Variants in PGBD5 observed in about 807,000 individuals in gnomAD.
PGBD5 encodes piggyBac transposable element derived 5.
In PGBD5, 14 loss-of-function variants were observed where a neutral mutation model predicts 47.9. The ratio of observed to expected loss-of-function variants is 0.29; its 90% CI spans 0.19 to 0.46. PGBD5 has a LOEUF of 0.46. Ranked by LOEUF, PGBD5 falls within the 20% of genes least tolerant of loss-of-function variation. The pLI, the probability that PGBD5 is intolerant of heterozygous loss-of-function variation, is 1.00. For missense variants in PGBD5, 635 were observed against 716.0 expected, an observed-to-expected ratio of 0.89 and a Z score of 1.29; for synonymous variants, 316 against 306.3, an observed-to-expected ratio of 1.03 and a Z score of -0.33.
At chr1:230,410,995 C>G (rs1657395059) in intron 1 of PGBD5, among the ~76,000 whole-genome samples, 1 of 151,826 alleles carries the variant, frequency 6.6e-6, no homozygotes, top group Admixed American at 6.6e-5. Context: ...GGAGAGAGGC[C>G]AGGTACAGTG....
chr1:230,392,219 C>T (rs533444038), intron 1 of PGBD5, among the ~76,000 whole-genome samples: 1 of 152,342 alleles, frequency 6.6e-6, no homozygotes, highest in Non-Finnish European at 1.5e-5. Context: ...ACCGGGGCTG[C>T]CCTGAGAGGC....
At position 230,404,760 on chromosome 1, in the gene PGBD5, C is replaced by T. The variant is rs114658123; in HGVS notation, c.331+20838G>A. Among the ~76,000 whole-genome samples the T allele has an allele frequency of 2.7e-3, 411 of 150,944 alleles. 2 individuals carry two copies. Among genetic ancestry groups the T allele is most frequent in the African/African-American group, 9.7e-3 (399 of 41,202 alleles). On this transcript the variant is annotated intron_variant, in intron 1 of 6. Coordinates refer to ENST00000391860, the MANE Select transcript of PGBD5 (RefSeq NM_001258311.2). ...CTAGCCTGACCAAAATGCAGAAATCCCGCCTCTACCAAAAAATACAAAATT... is the reference window on the plus strand; with the variant it reads ...CTAGCCTGACCAAAATGCAGAAATCTCGCCTCTACCAAAAAATACAAAATT...
In PGBD5 at chr1:230,315,577, T is replaced by C. The variant is rs1666922213; in HGVS notation, c.*7848A>G. On this transcript the variant is annotated 3_prime_UTR_variant, in exon 7 of 7. Transcript: ENST00000391860. ...CTGGACCCCTAAACTGGCCCATGTG[T>C]TTAGTTGTAGAATGGGGGCCAGGAC... The C allele has an allele frequency of 1.3e-5, 2 of 151,696 alleles. No individual in the cohort carries two copies. Among genetic ancestry groups the C allele is most frequent in the Non-Finnish European group, 2.9e-5 (2 of 67,950 alleles). The allele number at this position is 151,696 out of a possible 1,614,324, so 9.4% of individuals were successfully genotyped here.
intron 1 of PGBD5, among the ~76,000 whole-genome samples, chr1:230,361,760 C>A (rs555647014): frequency 1.3e-5 from 2 of 152,332 alleles, no homozygotes; most frequent in East Asian, 3.9e-4. Context: ...TCCCCAGGAG[C>A]TGACTGGGAG....
rs921995442 is a variant in PGBD5 at position 230,315,296 on chromosome 1, G to A, written c.*8129C>T. The A allele has an allele frequency of 1.3e-5, 2 of 152,228 alleles. No individual in the cohort carries two copies. Among genetic ancestry groups the A allele is most frequent in the African/African-American group, 4.8e-5 (2 of 41,432 alleles). 9.4% of individuals were successfully genotyped at this position (152,228 alleles called of 1,614,324 possible). ...CTCCTTTCTCAGGTGCCCTGTGCTA[G>A]TGTTGGGCAGCTCTAAGGTTGGAAA... On this transcript the variant is annotated 3_prime_UTR_variant, in exon 7 of 7. Coordinates refer to ENST00000391860, the MANE Select transcript of PGBD5 (RefSeq NM_001258311.2).
rs1291383357 is a variant in PGBD5, at chr1:230,325,209, GT to G, written c.1379+100del. On this transcript the variant is annotated intron_variant, in intron 6 of 6. Transcript: ENST00000391860. ...TACCTCCCAGGGTCTTCATCCTGCA[GT>G]TCTTACACTGGGGAAACTAGTGATC... The G allele has an allele frequency of 1.9e-5, 18 of 924,806 alleles. No individual in the cohort carries two copies. The East Asian group carries it at 4.2e-4, about 22-fold the overall frequency. The allele number at this position is 924,806 out of a possible 1,614,324, so 57.3% of individuals were successfully genotyped here.
intron 3 of PGBD5, among the ~76,000 whole-genome samples, chr1:230,344,098 A>C (rs1348465486): frequency 6.6e-6 from 1 of 152,186 alleles, no homozygotes; most frequent in East Asian, 1.9e-4. Flanking sequence ...ATCCTGGCTA[A>C]CACAGTGAAA....
chr1:230,394,754 A>T (rs1237939413), intron 1 of PGBD5, among the ~76,000 whole-genome samples: 4 of 54,648 alleles, frequency 7.3e-5, no homozygotes, highest in African/African-American at 2.9e-4. Flanking sequence ...CCTCCCCTCC[A>T]CTCACGCTCC....
intron 1 of PGBD5, among the ~76,000 whole-genome samples, chr1:230,419,562 G>A (rs536838243): frequency 1.8e-4 from 27 of 151,992 alleles, no homozygotes; most frequent in Non-Finnish European, 3.8e-4. Context: ...AAAATAAAAG[G>A]TGAAAAGTAA....
chr1:230,365,711 C>T (rs1571842545), intron 1 of PGBD5, among the ~76,000 whole-genome samples: 1 of 152,368 alleles, frequency 6.6e-6, no homozygotes, highest in East Asian at 1.9e-4. Flanking sequence ...GAGCACTACA[C>T]TGCCACACGC....
In PGBD5 at chr1:230,425,590, C is replaced by G; in HGVS notation, c.331+8G>C. 8.2e-7 allele frequency: 1 copy of G among 1,219,736 alleles called. No individual in the cohort carries two copies. Among genetic ancestry groups the G allele is most frequent in the Non-Finnish European group, 1.0e-6 (1 of 980,290 alleles). 75.6% of individuals were successfully genotyped at this position (1,219,736 alleles called of 1,614,324 possible). A position where few individuals can be genotyped will look rare whatever the true frequency, so the allele number is the denominator to read the frequency against. ...GCCCCCGACATCCACCCGCGGGCAGCCCCTTACCGCCGGTATCCTCGAAGC... is the reference window on the plus strand; with the variant it reads ...GCCCCCGACATCCACCCGCGGGCAGGCCCTTACCGCCGGTATCCTCGAAGC... On this transcript the variant is annotated splice_region_variant and intron_variant, in intron 1 of 6. Coordinates refer to ENST00000391860, the MANE Select transcript of PGBD5 (RefSeq NM_001258311.2). This position sits in a 1 kb window ranked among gnomAD's most constrained non-coding sequence, Gnocchi z 4.7.
intron 1 of PGBD5, among the ~76,000 whole-genome samples, chr1:230,371,876 C>T (rs774636879): frequency 6.6e-6 from 1 of 152,188 alleles, no homozygotes; most frequent in Admixed American, 6.5e-5. Flanking sequence ...ACCGCGGAAG[C>T]TCGCCACCTC....
At chr1:230,406,587 A>G (rs536244308) in intron 1 of PGBD5, among the ~76,000 whole-genome samples, 5 of 152,318 alleles carry the variant, frequency 3.3e-5, no homozygotes, top group African/African-American at 1.2e-4. Flanking sequence ...TACAAGACAG[A>G]ACAACAGAGT....
At chr1:230,370,390 G>A (rs1468937291) in intron 1 of PGBD5, among the ~76,000 whole-genome samples, 1 of 150,146 alleles carries the variant, frequency 6.7e-6, no homozygotes, top group Admixed American at 6.6e-5. Flanking sequence ...CCCAGCTCCA[G>A]AAGTGTTGCC....
At chr1:230,324,923 C>T (rs1408823711) in intron 6 of PGBD5, among the ~76,000 whole-genome samples, 1 of 152,174 alleles carries the variant, frequency 6.6e-6, no homozygotes. Context: ...CGAGCTGATG[C>T]CCAGTGTGTT....
At chr1:230,372,704 G>A (rs828454) in intron 1 of PGBD5, among the ~76,000 whole-genome samples, 108,751 of 152,128 alleles carry the variant, frequency 0.71, 39,282 homozygotes, top group Non-Finnish European at 0.74. Flanking sequence ...CAGTGATGGA[G>A]ATGGAAGTTA....
At chr1:230,412,982 G>A (rs1657444564) in intron 1 of PGBD5, among the ~76,000 whole-genome samples, 1 of 152,118 alleles carries the variant, frequency 6.6e-6, no homozygotes, top group African/African-American at 2.4e-5. Flanking sequence ...GTAACATACA[G>A]TAAGTCATTA....
chr1:230,393,316 C>T (rs375848410), intron 1 of PGBD5, among the ~76,000 whole-genome samples: 2 of 148,570 alleles, frequency 1.3e-5, no homozygotes, highest in South Asian at 2.2e-4. Flanking sequence ...GGGGGAGGGG[C>T]GTGCTGTGCT....
In PGBD5 at chr1:230,425,938, C is replaced by T. The variant is rs1185754208; in HGVS notation, c.-10G>A. 1.8e-5 allele frequency: 16 copies of T among 898,336 alleles called. No homozygotes were observed. The Admixed American group carries it at 2.2e-3, about 124-fold the overall frequency. 55.6% of individuals were successfully genotyped at this position (898,336 alleles called of 1,614,324 possible). On this transcript the variant is annotated 5_prime_UTR_variant, in exon 1 of 7. Coordinates refer to ENST00000391860, the MANE Select transcript of PGBD5 (RefSeq NM_001258311.2). The surrounding 1 kb of genome is among the most constrained non-coding windows in gnomAD (Gnocchi z 4.7). Reference sequence around the variant, plus strand: ...CGCCGCCCTCGGCCATGGCCCCGGCCGCCGCCCGCGCGCCCGCCCCCACAG... The same window carrying T: ...CGCCGCCCTCGGCCATGGCCCCGGCTGCCGCCCGCGCGCCCGCCCCCACAG...
Sources: gnomAD v4.1 joint callset for allele counts (sites outside exome capture counted in the v4.1 genomes callset) on GRCh38, gnomAD v4.1.1 for gene constraint, Gnocchi (gnomAD v3.1) non-coding constraint, MANE v1.5 for transcripts, NCBI Gene and HGNC (gene_info 2026-07-23, HGNC 2026-07-21) for gene names.